The following CDH12 variants were observed in gnomAD, a reference collection of about 807,000 sequenced individuals.
CDH12 encodes the protein cadherin-12.
CDH12 carries 41 observed loss-of-function variants against 74.1 expected under a neutral mutation model. The ratio of observed to expected loss-of-function variants is 0.55; its 90% CI spans 0.43 to 0.72. The LOEUF is 0.72. Ranked by LOEUF, CDH12 falls within the 30% of genes least tolerant of loss-of-function variation. CDH12 has a pLI of 0.00. For synonymous variants in CDH12, 399 were observed against 355.0 expected, an observed-to-expected ratio of 1.12 and a Z score of -1.39; for missense variants, 945 against 977.2, an observed-to-expected ratio of 0.97 and a Z score of 0.44.
At chr5:22,197,129 C>A (rs1007204400) in intron 4 of CDH12, among the ~76,000 whole-genome samples, 1 of 151,998 alleles carries the variant, frequency 6.6e-6, no homozygotes, top group African/African-American at 2.4e-5. Context: ...AACACAGGGG[C>A]CTTCAATACC....
intron 2 of CDH12, among the ~76,000 whole-genome samples, chr5:22,488,383 G>C (rs1746696014): frequency 6.6e-6 from 1 of 152,108 alleles, no homozygotes; most frequent in Non-Finnish European, 1.5e-5. Context: ...CAGTGTCATG[G>C]CTATCTTAAA....
intron 6 of CDH12, among the ~76,000 whole-genome samples, chr5:21,953,381 T>G (rs1033328031): frequency 1.3e-5 from 2 of 152,216 alleles, no homozygotes; most frequent in Admixed American, 1.3e-4. Flanking sequence ...GTAACCCGGT[T>G]GCCTTGGGCA....
At chr5:21,950,600 A>T (rs1247655372) in intron 6 of CDH12, among the ~76,000 whole-genome samples, 1 of 151,632 alleles carries the variant, frequency 6.6e-6, no homozygotes, top group East Asian at 1.9e-4. Context: ...TCCAAATTGC[A>T]TTTGTACCCC....
intron 5 of CDH12, among the ~76,000 whole-genome samples, chr5:21,991,077 T>A (rs577725483): frequency 9.2e-5 from 14 of 151,858 alleles, no homozygotes; most frequent in Middle Eastern, 3.4e-3. Flanking sequence ...CAGATTTGTA[T>A]TACCCTGAAT....
chr5:22,687,440 C>G (rs533087419), intron 1 of CDH12, among the ~76,000 whole-genome samples: 3 of 152,104 alleles, frequency 2.0e-5, no homozygotes, highest in Admixed American at 6.5e-5. Flanking sequence ...CAGGGTCTCA[C>G]TCTGTTGCCC....
intron 1 of CDH12, among the ~76,000 whole-genome samples, chr5:22,764,136 C>CA (rs2127060500): frequency 6.6e-6 from 1 of 151,832 alleles, no homozygotes; most frequent in South Asian, 2.1e-4. Flanking sequence ...GTAACACATA[C>CA]AAAAAATAAT....
intron 5 of CDH12, among the ~76,000 whole-genome samples, chr5:22,034,024 C>T (rs931658411): frequency 2.6e-5 from 4 of 152,016 alleles, no homozygotes; most frequent in Non-Finnish European, 5.9e-5. Context: ...AAGAAAGTTG[C>T]TGGGGGAGGG....
chr5:22,727,432 CT>C (rs1400762390), intron 1 of CDH12, among the ~76,000 whole-genome samples: 9 of 151,596 alleles, frequency 5.9e-5, no homozygotes, highest in Admixed American at 5.9e-4. Flanking sequence ...ACTCATCTTG[CT>C]AGAAAAGACA....
At chr5:21,753,793 A>G (rs1744232513) in intron 14 of CDH12, among the ~76,000 whole-genome samples, 1 of 152,220 alleles carries the variant, frequency 6.6e-6, no homozygotes, top group Non-Finnish European at 1.5e-5. Context: ...ATGGTAGTAC[A>G]TGATAAAGAT....
At chr5:21,781,489 C>T (rs1257462051) in intron 11 of CDH12, among the ~76,000 whole-genome samples, 2 of 152,004 alleles carry the variant, frequency 1.3e-5, no homozygotes, top group African/African-American at 2.4e-5. Context: ...TTTGGGAGGC[C>T]GAGGCAGGTG....
chr5:22,786,851 T>TG (rs1490138830), intron 1 of CDH12, among the ~76,000 whole-genome samples: 1 of 152,048 alleles, frequency 6.6e-6, no homozygotes, highest in Admixed American at 6.6e-5. Context: ...CCCAAGTAGC[T>TG]GGGACTACAG....
At chr5:22,035,926 C>T (rs1427831477) in intron 5 of CDH12, among the ~76,000 whole-genome samples, 1 of 152,154 alleles carries the variant, frequency 6.6e-6, no homozygotes, top group Admixed American at 6.6e-5. Context: ...ATATGAGACT[C>T]TCTTTGAATC....
In CDH12 at chr5:22,147,954, A is replaced by T. The variant is rs561051615; in HGVS notation, c.-187+64544T>A. On this transcript the variant is annotated intron_variant, in intron 4 of 14. Transcript: ENST00000382254. ...GGTCAGTACATCTGTGCACAACCTC[A>T]GAGTTGGCTGATTTTTGCTTTTCCT... 2.0e-5 allele frequency among the ~76,000 whole-genome samples: 3 copies of T among 152,290 alleles called. 1 individual carries two copies. In the East Asian group the frequency reaches 5.8e-4, roughly 29 times the overall value.
intron 5 of CDH12, among the ~76,000 whole-genome samples, chr5:22,048,097 C>T (rs575762022): frequency 6.6e-6 from 1 of 151,974 alleles, no homozygotes; most frequent in South Asian, 2.1e-4. Flanking sequence ...CCCTTTTTGC[C>T]TGGACACATA....
chr5:21,993,642 C>A (rs184333061), intron 5 of CDH12, among the ~76,000 whole-genome samples: 1 of 152,138 alleles, frequency 6.6e-6, no homozygotes, highest in Non-Finnish European at 1.5e-5. Flanking sequence ...CTTCTATCAA[C>A]AATATGAATT....
chr5:22,808,762 GTTTT>G (rs70959757), intron 1 of CDH12, among the ~76,000 whole-genome samples: 1 of 41,730 alleles, frequency 2.4e-5, no homozygotes, highest in African/African-American at 7.3e-5. Context: ...ACCACACCTG[GTTTT>G]TTTTTTTTTT....
chr5:21,896,064 A>T (rs1246784276), intron 6 of CDH12, among the ~76,000 whole-genome samples: 1 of 152,148 alleles, frequency 6.6e-6, no homozygotes, highest in African/African-American at 2.4e-5. Context: ...GAGAAGGTGC[A>T]TTGGCTTCCA....
chr5:22,136,715 T>C (rs1211095529), intron 4 of CDH12, among the ~76,000 whole-genome samples: 2 of 150,410 alleles, frequency 1.3e-5, no homozygotes, highest in African/African-American at 2.5e-5. Context: ...TATTCAATTA[T>C]TTTGAGTTTT....
intron 10 of CDH12, among the ~76,000 whole-genome samples, chr5:21,797,833 T>C (rs1746875506): frequency 6.6e-6 from 1 of 152,168 alleles, no homozygotes; most frequent in South Asian, 2.1e-4. Context: ...TTGATTTTTC[T>C]AGTTCTTAAG....
Sources: gnomAD v4.1 joint callset for allele counts (sites outside exome capture counted in the v4.1 genomes callset) on GRCh38, gnomAD v4.1.1 for gene constraint, MANE v1.5 for transcripts, NCBI Gene and HGNC (gene_info 2026-07-23, HGNC 2026-07-21) for gene names.